Variants in EPHX1 observed in about 807,000 individuals in gnomAD.
EPHX1 encodes the protein epoxide hydratase.
A neutral mutation model predicts 43.2 loss-of-function variants in EPHX1; 40 were observed. The observed-to-expected ratio is 0.93, with a 90% CI of 0.72 to 1.21. The LOEUF is 1.21. EPHX1 is among the 50% of genes most tolerant of loss of function. The pLI, the probability that EPHX1 is intolerant of heterozygous loss-of-function variation, is 0.00. For missense variants in EPHX1, 550 were observed against 570.4 expected, an observed-to-expected ratio of 0.96 and a Z score of 0.36; for synonymous variants, 221 against 226.7, an observed-to-expected ratio of 0.98 and a Z score of 0.22.
intron 3 of EPHX1, among the ~76,000 whole-genome samples, chr1:225,834,335 G>A (rs1341097443): frequency 1.3e-5 from 2 of 151,726 alleles, no homozygotes; most frequent in Non-Finnish European, 1.5e-5. Context: ...AACCAGGGAG[G>A]CGGAGGTTGC....
chr1:225,843,735 C>G (rs1012102175), intron 7 of EPHX1, among the ~76,000 whole-genome samples: 3 of 152,142 alleles, frequency 2.0e-5, no homozygotes, highest in Non-Finnish European at 2.9e-5. Context: ...AAATGGTGGT[C>G]GTGGTCGTTT....
At chr1:225,810,381 G>C (rs532164905) in intron 1 of EPHX1, 2 of 152,218 alleles carry the variant, frequency 1.3e-5, no homozygotes, top group East Asian at 3.9e-4. Flanking sequence ...CTGGGGGAAG[G>C]AGCCTGCAGG....
rs201119273 is a variant in EPHX1 at position 225,845,381 on chromosome 1, C to A, written c.*34C>A. On this transcript the variant is annotated 3_prime_UTR_variant, in exon 9 of 9. Coordinates refer to ENST00000272167, the MANE Select transcript of EPHX1 (RefSeq NM_001136018.4). ...TCTCCCCCCGCCTGCCACCTCCCCC[C>A]ACAAGTGCCCTCCAGGCTTTTCTTG... 8.0e-5 allele frequency: 124 copies of A among 1,542,698 alleles called. No individual in the cohort carries two copies. The highest frequency in any genetic ancestry group is 9.5e-5 in the South Asian group (8 of 84,558).
At chr1:225,837,099 T>C (rs1668008281) in intron 3 of EPHX1, among the ~76,000 whole-genome samples, 1 of 152,230 alleles carries the variant, frequency 6.6e-6, no homozygotes, top group Non-Finnish European at 1.5e-5. Flanking sequence ...TTCTGGATTC[T>C]TTGCAGTTTT....
At chr1:225,842,586 T>C (rs1376862216) in intron 7 of EPHX1, 112 bp downstream of exon 7, 5 of 834,844 alleles carry the variant, frequency 6.0e-6, no homozygotes, top group African/African-American at 3.4e-5. Context: ...GCAAATTCTA[T>C]TGTTGGCTTT....
chr1:225,834,261 T>C (rs1432754060), intron 3 of EPHX1, among the ~76,000 whole-genome samples: 8 of 148,428 alleles, frequency 5.4e-5, no homozygotes, highest in South Asian at 2.1e-4. Flanking sequence ...AAAAATTAGC[T>C]GGGCATGGTG....
rs938308535 is a variant in EPHX1 at position 225,828,708 on chromosome 1, T to C, written c.-5-17T>C. 3 of 1,609,486 alleles carry C rather than the reference T, an allele frequency of 1.9e-6. No individual in the cohort carries two copies. The highest frequency in any genetic ancestry group is 2.5e-6 in the Non-Finnish European group (3 of 1,178,388). On this transcript the variant is annotated splice_polypyrimidine_tract_variant and intron_variant, in intron 1 of 8. Coordinates refer to ENST00000272167, the MANE Select transcript of EPHX1 (RefSeq NM_001136018.4). Reference sequence around the variant, plus strand: ...CTGGGCGGGCTCCGTTGTTAATGGCTTCCCCTCATCTTGCAGGAGCCATGT... The same window carrying C: ...CTGGGCGGGCTCCGTTGTTAATGGCCTCCCCTCATCTTGCAGGAGCCATGT...
intron 2 of EPHX1, 22 bp downstream of exon 2, chr1:225,828,934 C>CGGGCT: frequency 6.4e-7 from 1 of 1,555,022 alleles, no homozygotes; most frequent in East Asian, 2.4e-5. Flanking sequence ...TGGGCCGGGC[C>CGGGCT]GGGCTGGGCA....
At chr1:225,827,892 C>T (rs1200218125) in intron 1 of EPHX1, among the ~76,000 whole-genome samples, 1 of 140,940 alleles carries the variant, frequency 7.1e-6, no homozygotes, top group African/African-American at 2.7e-5. Context: ...ACTTACTCTC[C>T]CAGCACTTGG....
chr1:225,835,818 G>A (rs1667932778), intron 3 of EPHX1, among the ~76,000 whole-genome samples: 1 of 151,772 alleles, frequency 6.6e-6, no homozygotes, highest in African/African-American at 2.4e-5. Context: ...AAAGTATCAG[G>A]ATTATAGGTG....
At chr1:225,826,813 G>A (rs1221922311) in intron 1 of EPHX1, among the ~76,000 whole-genome samples, 2 of 152,070 alleles carry the variant, frequency 1.3e-5, no homozygotes, top group Non-Finnish European at 2.9e-5. Context: ...GAGGGGGCGA[G>A]GCACACAGGG....
At chr1:225,835,383 T>C (rs2671268) in intron 3 of EPHX1, among the ~76,000 whole-genome samples, 21,586 of 88,490 alleles carry the variant, frequency 0.24, 2,218 homozygotes, top group East Asian at 0.4. Context: ...CACACTAGGC[T>C]TTTTTTTTTT....
chr1:225,835,104 G>A lies in EPHX1; in HGVS notation c.364+3145G>A, dbSNP rs540889081. On this transcript the variant is annotated intron_variant, in intron 3 of 8. Transcript: ENST00000272167. ...CTTTGCCAGGTGTGTGGGGAAGGTG[G>A]TCCAAGAAAGGGGAACAGCATGTTC... Among the ~76,000 whole-genome samples, 197 of 152,270 alleles carry A rather than the reference G, an allele frequency of 1.3e-3. 1 individual carries two copies. The highest frequency in any genetic ancestry group is 4.7e-3 in the African/African-American group (194 of 41,554).
rs115912204 is a variant in EPHX1, at chr1:225,829,437, G to A, written c.183+525G>A. Among the ~76,000 whole-genome samples the A allele has an allele frequency of 6.6e-3, 1,011 of 152,326 alleles. 11 individuals are homozygous for A. The highest frequency in any genetic ancestry group is 0.023 in the African/African-American group (946 of 41,570). On this transcript the variant is annotated intron_variant, in intron 2 of 8. Coordinates refer to ENST00000272167, the MANE Select transcript of EPHX1 (RefSeq NM_001136018.4). ...GAAGCTCAGGGGCATAAAGCAACTC[G>A]TTCAAGGCGGCCTAGCTAACATGCG...
At chr1:225,816,111 G>A (rs919972572) in intron 1 of EPHX1, among the ~76,000 whole-genome samples, 55 of 152,200 alleles carry the variant, frequency 3.6e-4, no homozygotes, top group African/African-American at 1.3e-3. Flanking sequence ...CCAACATGGC[G>A]AAACCCCTTT....
chr1:225,845,512 A>G lies in EPHX1; in HGVS notation c.*165A>G. Reference sequence around the variant, plus strand: ...CTCCAAGCTCACTCCCCAACCCCCAACTCCGTGTGGTAAGCAACATGGCTT... The same window carrying G: ...CTCCAAGCTCACTCCCCAACCCCCAGCTCCGTGTGGTAAGCAACATGGCTT... On this transcript the variant is annotated 3_prime_UTR_variant, in exon 9 of 9. Transcript: ENST00000272167. 1.6e-6 allele frequency: 1 copy of G among 634,100 alleles called. No homozygotes were observed. The highest frequency in any genetic ancestry group is 1.9e-5 in the South Asian group (1 of 53,124). 39.3% of individuals were successfully genotyped at this position (634,100 alleles called of 1,614,324 possible).
At position 225,810,130 on chromosome 1, in the gene EPHX1, A is replaced by G. The variant is rs1433105989; in HGVS notation, c.-45A>G. ...CGAGGAGAGCCAGGGAGCCGGAGAG[A>G]TCGCGCGCCTGCCGCCGCCGGAGCC... On this transcript the variant is annotated 5_prime_UTR_variant, in exon 1 of 9. Coordinates refer to ENST00000272167, the MANE Select transcript of EPHX1 (RefSeq NM_001136018.4). 2 of 151,578 alleles carry G rather than the reference A, an allele frequency of 1.3e-5. No homozygotes were observed. Among genetic ancestry groups the G allele is most frequent in the East Asian group, 2.0e-4 (1 of 5,118 alleles). The allele number at this position is 151,578 out of a possible 1,614,324, so 9.4% of individuals were successfully genotyped here.
chr1:225,842,975 G>A (rs1291768563), intron 7 of EPHX1, among the ~76,000 whole-genome samples: 1 of 152,216 alleles, frequency 6.6e-6, no homozygotes, highest in Non-Finnish European at 1.5e-5. Context: ...GGTCAGCTCT[G>A]ACCCACCCTT....
intron 3 of EPHX1, 56 bp from the exon 4 acceptor site, chr1:225,838,598 C>G (rs1158779743): frequency 6.6e-7 from 1 of 1,515,826 alleles, no homozygotes; most frequent in Non-Finnish European, 9.1e-7. Flanking sequence ...GTGCCAGAGC[C>G]TGACCGTGCA....
Sources: allele counts gnomAD v4.1 joint callset (sites outside exome capture counted in the v4.1 genomes callset), GRCh38; gene constraint gnomAD v4.1.1; transcripts MANE v1.5; gene names NCBI Gene and HGNC (gene_info 2026-07-23, HGNC 2026-07-21).